The following NKAIN3 variants were observed in gnomAD, a reference collection of about 807,000 sequenced individuals.
The protein encoded by NKAIN3 is sodium/potassium transporting ATPase interacting 3.
In NKAIN3, 25 loss-of-function variants were observed where a neutral mutation model predicts 30.2. The ratio of observed to expected loss-of-function variants is 0.83; its 90% CI spans 0.60 to 1.16. The LOEUF is 1.16. Among genes scored for constraint, NKAIN3 ranks in the 50% most tolerant of loss-of-function variants. NKAIN3 has a pLI of 0.00. For synonymous variants in NKAIN3, 91 were observed against 89.6 expected (o/e 1.02, Z -0.09); for missense variants, 225 against 254.1 (o/e 0.89, Z 0.78).
At chr8:62,870,690 T>TATATAGATATATATAG (rs1563604416) in intron 4 of NKAIN3, among the ~76,000 whole-genome samples, 1 of 101,386 alleles carries the variant, frequency 9.9e-6, no homozygotes, top group Non-Finnish European at 2.0e-5. Flanking sequence ...TCTATATCTC[T>TATATAGATATATATAG]CTATCTATAT....
intron 1 of NKAIN3, among the ~76,000 whole-genome samples, chr8:62,398,617 G>C (rs1447614824): frequency 1.3e-5 from 2 of 152,158 alleles, no homozygotes; most frequent in African/African-American, 4.8e-5. Flanking sequence ...GCCTCAATAG[G>C]GAGATTATTC....
intron 3 of NKAIN3, among the ~76,000 whole-genome samples, chr8:62,722,845 A>G (rs1403042008): frequency 1.3e-5 from 2 of 152,126 alleles, no homozygotes; most frequent in African/African-American, 4.8e-5. Context: ...TACAGTGAAA[A>G]TCCACCCAGG....
At chr8:62,519,160 G>C (rs1385803742) in intron 1 of NKAIN3, among the ~76,000 whole-genome samples, 1 of 152,108 alleles carries the variant, frequency 6.6e-6, no homozygotes, top group Non-Finnish European at 1.5e-5. Context: ...TTAAATTCCT[G>C]ACAGTGTTAG....
At chr8:62,450,276 G>T in intron 1 of NKAIN3, among the ~76,000 whole-genome samples, 1 of 152,192 alleles carries the variant, frequency 6.6e-6, no homozygotes, top group East Asian at 1.9e-4. Context: ...TGTGGAGTGA[G>T]GATAGGATCC....
At chr8:62,848,377 T>A (rs1183257294) in intron 4 of NKAIN3, among the ~76,000 whole-genome samples, 1 of 152,154 alleles carries the variant, frequency 6.6e-6, no homozygotes, top group African/African-American at 2.4e-5. Context: ...CTTAAAAATA[T>A]CCTTCATTTC....
At chr8:62,481,467 ACTAT>A (rs897731611) in intron 1 of NKAIN3, among the ~76,000 whole-genome samples, 4 of 152,098 alleles carry the variant, frequency 2.6e-5, no homozygotes, top group African/African-American at 9.7e-5. Flanking sequence ...TCATACATTA[ACTAT>A]CTATTTATTT....
At chr8:62,870,484 G>A (rs1210687647) in intron 4 of NKAIN3, among the ~76,000 whole-genome samples, 2 of 132,662 alleles carry the variant, frequency 1.5e-5, no homozygotes, top group Non-Finnish European at 3.1e-5. Flanking sequence ...TGTATATAAT[G>A]TACAATAAGT....
intron 3 of NKAIN3, among the ~76,000 whole-genome samples, chr8:62,726,995 TTACA>T (rs769972060): frequency 2.0e-5 from 3 of 152,040 alleles, no homozygotes; most frequent in Non-Finnish European, 4.4e-5. Flanking sequence ...GCAAAAAGAA[TTACA>T]TACCACACCA....
At chr8:62,517,869 G>T (rs1808042017) in intron 1 of NKAIN3, among the ~76,000 whole-genome samples, 1 of 152,098 alleles carries the variant, frequency 6.6e-6, no homozygotes, top group South Asian at 2.1e-4. Context: ...CTAGAAAGGA[G>T]AATGATCCTG....
intron 3 of NKAIN3, among the ~76,000 whole-genome samples, chr8:62,676,730 T>TTTA (rs1166575566): frequency 3.8e-4 from 57 of 151,204 alleles, no homozygotes; most frequent in African/African-American, 1.2e-3. Context: ...TTTTTTTTTT[T>TTTA]TGAGAAAGGG....
chr8:62,602,994 A>C (rs1412952046), intron 3 of NKAIN3, among the ~76,000 whole-genome samples: 1 of 152,160 alleles, frequency 6.6e-6, no homozygotes, highest in African/African-American at 2.4e-5. Context: ...GCTGTGAAGA[A>C]ACCACACTTT....
intron 3 of NKAIN3, among the ~76,000 whole-genome samples, chr8:62,694,366 C>T (rs1267253188): frequency 1.3e-5 from 2 of 152,242 alleles, no homozygotes; most frequent in South Asian, 2.1e-4. Context: ...GGATGTCATT[C>T]AGCCACAAAA....
chr8:62,814,406 ACCC>A (rs1818604771), intron 4 of NKAIN3, among the ~76,000 whole-genome samples: 1 of 151,836 alleles, frequency 6.6e-6, no homozygotes, highest in Non-Finnish European at 1.5e-5. Context: ...AGAACTCTCC[ACCC>A]CAAATCAACA....
intron 4 of NKAIN3, among the ~76,000 whole-genome samples, chr8:62,907,882 C>T (rs945294472): frequency 2.0e-5 from 3 of 152,192 alleles, no homozygotes; most frequent in African/African-American, 7.2e-5. Flanking sequence ...GTGGGAATCC[C>T]CACACAGAGT....
At chr8:62,487,036 A>G (rs1239010848) in intron 1 of NKAIN3, among the ~76,000 whole-genome samples, 1 of 152,136 alleles carries the variant, frequency 6.6e-6, no homozygotes, top group Admixed American at 6.5e-5. Flanking sequence ...TCTTTCTTTC[A>G]ATGGGGCCAT....
intron 3 of NKAIN3, among the ~76,000 whole-genome samples, chr8:62,703,215 C>A (rs2130473015): frequency 6.6e-6 from 1 of 152,164 alleles, no homozygotes; most frequent in African/African-American, 2.4e-5. Context: ...TTACCTAAAG[C>A]CACAGTTAAC....
At chr8:62,938,349 A>G (rs1180637048) in intron 5 of NKAIN3, among the ~76,000 whole-genome samples, 1 of 152,092 alleles carries the variant, frequency 6.6e-6, no homozygotes, top group Admixed American at 6.5e-5. Flanking sequence ...AAAGGAGAAA[A>G]CAACAGCTAA....
At chr8:62,938,659 G>T (rs1244884295) in intron 5 of NKAIN3, among the ~76,000 whole-genome samples, 1 of 152,156 alleles carries the variant, frequency 6.6e-6, no homozygotes, top group Non-Finnish European at 1.5e-5. Context: ...AACAATCACT[G>T]TAGTCAGGCT....
At chr8:62,810,246 TCTGGAGAAAAATGTAATTC>T (rs2130712252) in intron 4 of NKAIN3, among the ~76,000 whole-genome samples, 1 of 152,308 alleles carries the variant, frequency 6.6e-6, no homozygotes, top group Non-Finnish European at 1.5e-5. Flanking sequence ...AAGCCTTTAC[TCTGGAGAAAAATGTAATTC>T]AGTTTTCAGG....
Sources: gnomAD v4.1 joint callset for allele counts (sites outside exome capture counted in the v4.1 genomes callset) on GRCh38, gnomAD v4.1.1 for gene constraint, MANE v1.5 for transcripts, NCBI Gene and HGNC (gene_info 2026-07-23, HGNC 2026-07-21) for gene names.